Variants in NEGR1 observed in about 807,000 individuals in gnomAD.
The protein encoded by NEGR1 is IgLON family member 4.
NEGR1 carries 10 observed loss-of-function variants against 40.9 expected under a neutral mutation model. The observed-to-expected ratio is 0.24, with a 90% CI of 0.15 to 0.42. The LOEUF (loss-of-function observed/expected upper bound fraction) is 0.42. Among genes scored for constraint, NEGR1 ranks in the 10% least tolerant of loss-of-function variants. The pLI, the probability that NEGR1 is intolerant of heterozygous loss-of-function variation, is 1.00. For synonymous variants in NEGR1, 185 were observed against 166.8 expected, an observed-to-expected ratio of 1.11 and a Z score of -0.84; for missense variants, 352 against 438.9, an observed-to-expected ratio of 0.80 and a Z score of 1.77.
At chr1:71,532,139 A>C (rs968183699) in intron 6 of NEGR1, among the ~76,000 whole-genome samples, 5 of 151,544 alleles carry the variant, frequency 3.3e-5, no homozygotes, top group African/African-American at 1.2e-4. Context: ...TTCTTCTTTA[A>C]ATAGCCAGCA....
At chr1:71,531,685 C>A (rs1292598390) in intron 6 of NEGR1, among the ~76,000 whole-genome samples, 1 of 151,272 alleles carries the variant, frequency 6.6e-6, no homozygotes, top group African/African-American at 2.4e-5. Context: ...AAAACTTAAA[C>A]TTTGTGTGCA....
At chr1:71,568,750 T>C (rs948177288) in intron 6 of NEGR1, among the ~76,000 whole-genome samples, 2 of 151,974 alleles carry the variant, frequency 1.3e-5, no homozygotes, top group African/African-American at 4.8e-5. Context: ...TGTGAGTATA[T>C]ATGTGTTTAT....
chr1:72,241,003 A>G (rs947509220), intron 1 of NEGR1, among the ~76,000 whole-genome samples: 3 of 151,880 alleles, frequency 2.0e-5, no homozygotes, highest in Non-Finnish European at 4.4e-5. Context: ...CTGCATTGAC[A>G]GGATTAAAGT....
chr1:71,830,322 G>C (rs1031675362), intron 2 of NEGR1, among the ~76,000 whole-genome samples: 10 of 151,652 alleles, frequency 6.6e-5, no homozygotes, highest in African/African-American at 2.2e-4. Context: ...TCTATAAAAG[G>C]GGCTAATAGT....
intron 4 of NEGR1, among the ~76,000 whole-genome samples, chr1:71,694,107 T>C (rs1653390631): frequency 6.6e-6 from 1 of 151,696 alleles, no homozygotes; most frequent in Non-Finnish European, 1.5e-5. Flanking sequence ...TTTTGTAATT[T>C]ACAATAACAA....
intron 6 of NEGR1, among the ~76,000 whole-genome samples, chr1:71,461,299 C>G (rs1646713071): frequency 6.6e-6 from 1 of 152,104 alleles, no homozygotes; most frequent in Admixed American, 6.6e-5. Flanking sequence ...CATACATTAT[C>G]CTAATGCATA....
At chr1:71,689,530 T>G (rs1653179490) in intron 4 of NEGR1, among the ~76,000 whole-genome samples, 1 of 152,144 alleles carries the variant, frequency 6.6e-6, no homozygotes, top group African/African-American at 2.4e-5. Flanking sequence ...ACCCAAAATT[T>G]TATCACCTAG....
intron 6 of NEGR1, among the ~76,000 whole-genome samples, chr1:71,485,442 ATCTCCCAGAG>A (rs1220326374): frequency 1.3e-5 from 2 of 151,558 alleles, no homozygotes; most frequent in Non-Finnish European, 3.0e-5. Flanking sequence ...ACACATTATT[ATCTCCCAGAG>A]TCTCCAGTTT....
rs182300129 is a variant in NEGR1 at position 72,117,958 on chromosome 1, A to C, written c.176+164361T>G. ...AAACACTGCAGCTACTCACTCTAGA[A>C]AGTCATCTGCATCACTTTGCTGGGG... On this transcript the variant is annotated intron_variant, in intron 1 of 6. Transcript: ENST00000357731. Among the ~76,000 whole-genome samples the C allele has an allele frequency of 6.4e-4, 97 of 151,898 alleles. 1 individual carries two copies. Among genetic ancestry groups the C allele is most frequent in the East Asian group, 1.2e-3 (6 of 5,150 alleles).
intron 6 of NEGR1, among the ~76,000 whole-genome samples, chr1:71,529,758 A>G (rs1002454710): frequency 6.6e-5 from 10 of 151,170 alleles, no homozygotes; most frequent in African/African-American, 2.4e-4. Flanking sequence ...GGTAGTATGA[A>G]TTTGCTAATT....
intron 2 of NEGR1, among the ~76,000 whole-genome samples, chr1:71,810,589 C>T (rs532631640): frequency 6.6e-6 from 1 of 152,250 alleles, no homozygotes; most frequent in South Asian, 2.1e-4. Flanking sequence ...CCTATCTCCG[C>T]TCAAACCTCA....
chr1:71,665,728 G>A (rs973525274), intron 4 of NEGR1, among the ~76,000 whole-genome samples: 1 of 152,006 alleles, frequency 6.6e-6, no homozygotes, highest in East Asian at 1.9e-4. Context: ...ACAGTGGAGC[G>A]CCATTTATTT....
chr1:72,094,557 G>T (rs1037335180), intron 1 of NEGR1, among the ~76,000 whole-genome samples: 3 of 152,126 alleles, frequency 2.0e-5, no homozygotes, highest in African/African-American at 7.2e-5. Flanking sequence ...AGTCCACCTG[G>T]AACCCTCCAA....
chr1:71,801,409 T>C (rs1657551400), intron 2 of NEGR1, among the ~76,000 whole-genome samples: 1 of 152,186 alleles, frequency 6.6e-6, no homozygotes. Flanking sequence ...TTTCTTTCCC[T>C]TGGGTTCAAG....
intron 2 of NEGR1, among the ~76,000 whole-genome samples, chr1:71,872,194 A>G (rs1660298747): frequency 6.6e-6 from 1 of 152,206 alleles, no homozygotes; most frequent in Non-Finnish European, 1.5e-5. Context: ...CTTGCTTTGA[A>G]GAGGTGTTAC....
chr1:72,209,785 G>A (rs973299151), intron 1 of NEGR1, among the ~76,000 whole-genome samples: 3 of 151,538 alleles, frequency 2.0e-5, no homozygotes, highest in African/African-American at 7.3e-5. Flanking sequence ...TGTAACAAAC[G>A]GACAACTATG....
intron 3 of NEGR1, among the ~76,000 whole-genome samples, chr1:71,707,273 C>T (rs1389408799): frequency 6.6e-6 from 1 of 152,126 alleles, no homozygotes; most frequent in African/African-American, 2.4e-5. Flanking sequence ...AGCCCACTGC[C>T]CTCAATGGTG....
At chr1:72,209,996 C>T (rs1653540854) in intron 1 of NEGR1, among the ~76,000 whole-genome samples, 1 of 151,784 alleles carries the variant, frequency 6.6e-6, no homozygotes, top group Non-Finnish European at 1.5e-5. Context: ...ACTCATTATT[C>T]ACTTGTATAA....
intron 6 of NEGR1, among the ~76,000 whole-genome samples, chr1:71,421,108 CATA>C (rs1035117507): frequency 6.6e-6 from 1 of 151,904 alleles, no homozygotes; most frequent in African/African-American, 2.4e-5. Flanking sequence ...ATATGGAGCT[CATA>C]ATAAATACGT....
Sources: allele counts gnomAD v4.1 joint callset (sites outside exome capture counted in the v4.1 genomes callset), GRCh38; gene constraint gnomAD v4.1.1; transcripts MANE v1.5; gene names NCBI Gene and HGNC (gene_info 2026-07-23, HGNC 2026-07-21).